ADAM19: variants seen among roughly 807,000 people sequenced by gnomAD.
ADAM19 encodes the protein ADAM metallopeptidase domain 19, also known as disintegrin and metalloproteinase domain-containing protein 19.
Under a neutral mutation model 114.7 loss-of-function variants are expected in ADAM19, and 65 were observed. That is an observed-to-expected ratio of 0.57 (90% CI 0.46 to 0.70). ADAM19 has a LOEUF of 0.70. Among genes scored for constraint, ADAM19 ranks in the 30% least tolerant of loss-of-function variants. The probability of loss-of-function intolerance (pLI) is 0.00; values close to 1 mark genes in which losing one functional copy is unlikely to be tolerated. For synonymous variants in ADAM19, 466 were observed against 460.5 expected (o/e 1.01, Z -0.15); for missense variants, 1,063 against 1,204.7 (o/e 0.88, Z 1.74).
chr5:157,509,595 T>G (rs910206875), intron 8 of ADAM19, 128 bp from the exon 9 acceptor site: 14 of 809,666 alleles, frequency 1.7e-5, no homozygotes, highest in Non-Finnish European at 2.1e-5. Context: ...AAAATAAATT[T>G]AAAAAAAAAG....
chr5:157,550,503 G>A (rs1286304958), intron 3 of ADAM19, among the ~76,000 whole-genome samples: 1 of 152,098 alleles, frequency 6.6e-6, no homozygotes, highest in Non-Finnish European at 1.5e-5. Context: ...TATGAGTTTG[G>A]GGGGACACCA....
chr5:157,533,214 G>A (rs1042737652), intron 4 of ADAM19, among the ~76,000 whole-genome samples: 10 of 152,220 alleles, frequency 6.6e-5, no homozygotes, highest in South Asian at 4.1e-4. Flanking sequence ...ATCGGCCAGC[G>A]ATGTGGCTCC....
chr5:157,497,453 G>C (rs1265712666), intron 13 of ADAM19, among the ~76,000 whole-genome samples: 1 of 152,110 alleles, frequency 6.6e-6, no homozygotes, highest in Non-Finnish European at 1.5e-5. Flanking sequence ...TAGTTTTCAT[G>C]ACAGTCCTGT....
intron 18 of ADAM19, 131 bp from the exon 19 acceptor site, chr5:157,490,585 AAATTAT>A: frequency 8.5e-7 from 1 of 1,182,158 alleles, no homozygotes; most frequent in Non-Finnish European, 1.2e-6. Context: ...TTTAACTTAC[AAATTAT>A]AATTAAAAAC....
chr5:157,496,974 G>C lies in ADAM19; in HGVS notation c.1514C>G (p.Pro505Arg), dbSNP rs774391030. 6.3e-7 allele frequency: 1 copy of C among 1,598,530 alleles called. No homozygotes were observed. The highest frequency in any genetic ancestry group is 8.5e-7 in the Non-Finnish European group (1 of 1,173,454). The change falls in exon 14 of 23, where the codon CCC (proline) becomes CGC (arginine). Residue 505 changes from proline to arginine, a missense_variant. Physicochemically the swap from Pro to Arg is moderately radical, Grantham distance 103. Coordinates refer to ENST00000257527, the MANE Select transcript of ADAM19 (RefSeq NM_033274.5). ...PTNFYQMDGTPCEGGQAYCYN... is the reference protein window; with the variant it reads ...PTNFYQMDGTRCEGGQAYCYN... ...GCAGTAGGCCTGGCCGCCCTCACAG[G>C]GGGTACCATCCATCTGGTAGAAGTT...
chr5:157,502,699 A>C, intron 12 of ADAM19, 104 bp downstream of exon 12: 1 of 1,310,398 alleles, frequency 7.6e-7, no homozygotes, highest in Non-Finnish European at 1.1e-6. Flanking sequence ...TATATGTAGG[A>C]AACACCTGTG....
intron 9 of ADAM19, among the ~76,000 whole-genome samples, chr5:157,507,592 C>G (rs1314312516): frequency 6.6e-6 from 1 of 152,184 alleles, no homozygotes; most frequent in East Asian, 1.9e-4. Flanking sequence ...GTGAGTCCCA[C>G]AGGGTAGGGG....
chr5:157,508,375 G>A (rs1755811717), intron 9 of ADAM19, among the ~76,000 whole-genome samples: 1 of 152,198 alleles, frequency 6.6e-6, no homozygotes, highest in African/African-American at 2.4e-5. Flanking sequence ...TTGGGAGGCC[G>A]AGGCGGGCGG....
rs767512014 is a variant in ADAM19, at chr5:157,488,403, A to C, written c.2412T>G (p.Pro804=). Residue 804 remains proline (P), a synonymous_variant, in exon 21 of 23, where the codon CCT becomes CCG. Transcript: ENST00000257527. The part of the protein sequence containing the change: ...PPDYLRGGSP[P]APLPAHLSRA... Reference sequence around the variant, plus strand: ...TGCTCAGGTGAGCTGGCAGTGGTGCAGGTGGGGACCCACCACGCAGATAAT... The same window carrying C: ...TGCTCAGGTGAGCTGGCAGTGGTGCCGGTGGGGACCCACCACGCAGATAAT... 23 of 1,613,910 alleles carry C rather than the reference A, an allele frequency of 1.4e-5. No homozygotes were observed. Among genetic ancestry groups the C allele is most frequent in the Non-Finnish European group, 1.8e-5 (21 of 1,179,964 alleles).
Position 157,520,019 on chromosome 5 carries a change from C to G in ADAM19, c.420G>C (p.Thr140=). ...STCRGIRGLI[T]VSSNLSYVIE... ...TGACGTAGCTGAGGTTGCTGCTCAC[C>G]GTAATCAGTCCTCTGTTGAGAGGAG... Residue 140 remains threonine, a synonymous_variant, in exon 6 of 23, where the codon ACG becomes ACC. Transcript: ENST00000257527. 6.2e-7 allele frequency: 1 copy of G among 1,613,676 alleles called. No homozygotes were observed. The highest frequency in any genetic ancestry group is 8.5e-7 in the Non-Finnish European group (1 of 1,179,740).
chr5:157,479,084 G>C lies in ADAM19; in HGVS notation c.*1865C>G. 1 of 985,868 alleles carries C rather than the reference G, an allele frequency of 1.0e-6. No homozygotes were observed. The highest frequency in any genetic ancestry group is 1.2e-6 in the Non-Finnish European group (1 of 829,958). The allele number at this position is 985,868 out of a possible 1,614,324, so 61.1% of individuals were successfully genotyped here. ...ATTTAAATAAAAGGTTGGGCCACAGGAAAGGTGGGGAATGGATCTCCACAG... is the reference window on the plus strand; with the variant it reads ...ATTTAAATAAAAGGTTGGGCCACAGCAAAGGTGGGGAATGGATCTCCACAG... On this transcript the variant is annotated 3_prime_UTR_variant, in exon 23 of 23. Coordinates refer to ENST00000257527, the MANE Select transcript of ADAM19 (RefSeq NM_033274.5).
chr5:157,484,745 C>T (rs1754877629), intron 21 of ADAM19, among the ~76,000 whole-genome samples: 1 of 152,234 alleles, frequency 6.6e-6, no homozygotes, highest in Non-Finnish European at 1.5e-5. Context: ...AGAATAGCTG[C>T]CAAGTTGCAA....
intron 5 of ADAM19, 58 bp downstream of exon 5, chr5:157,530,749 G>A: frequency 6.8e-7 from 1 of 1,476,052 alleles, no homozygotes; most frequent in African/African-American, 1.4e-5. Context: ...TGTCTATCTT[G>A]AAACTTCCAT....
At chr5:157,564,186 C>A (rs1335056380) in intron 3 of ADAM19, among the ~76,000 whole-genome samples, 187 bp downstream of exon 3, 2 of 152,230 alleles carry the variant, frequency 1.3e-5, no homozygotes, top group Non-Finnish European at 2.9e-5. Context: ...AGCAGTCCAG[C>A]AATCTCACAT....
intron 3 of ADAM19, among the ~76,000 whole-genome samples, chr5:157,556,312 G>C (rs756613396): frequency 2.1e-5 from 3 of 144,110 alleles, no homozygotes; most frequent in Non-Finnish European, 3.0e-5. Context: ...TCTGCCTCCC[G>C]GGTTCAAGCA....
intron 1 of ADAM19, among the ~76,000 whole-genome samples, chr5:157,571,401 A>G (rs1757823721): frequency 1.3e-5 from 2 of 152,268 alleles, no homozygotes; most frequent in African/African-American, 4.8e-5. Context: ...AGCAAGTGCA[A>G]TGGCCCTGCC....
rs749000395 is a variant in ADAM19 at position 157,493,121 on chromosome 5, G to C, written c.1760C>G (p.Ser587Cys). 1 of 1,614,228 alleles carries C rather than the reference G, an allele frequency of 6.2e-7. No homozygotes were observed. Among genetic ancestry groups the C allele is most frequent in the Admixed American group, 1.7e-5 (1 of 60,022 alleles). Residue 587 changes from serine to cysteine, a missense_variant, in exon 16 of 23, where the codon TCC (serine) becomes TGC (cysteine). Physicochemically the swap from Ser to Cys is moderately radical, Grantham distance 112 (BLOSUM62 -1). Around this residue, in one of 3 missense-constraint regions of ADAM19, gnomAD observed 424 missense variants for 445.5 expected, o/e 0.95. Transcript: ENST00000257527. ...CQSSEARPLE[S>C]NAVPIDTTII... ...AGTGGTGTCAATGGGCACCGCGTTGGACTCCAGGGGCCGGGCCTCAGAGCT... is the reference window on the plus strand; with the variant it reads ...AGTGGTGTCAATGGGCACCGCGTTGCACTCCAGGGGCCGGGCCTCAGAGCT...
intron 3 of ADAM19, among the ~76,000 whole-genome samples, chr5:157,563,829 G>C (rs1757579438): frequency 6.6e-6 from 1 of 152,174 alleles, no homozygotes; most frequent in Non-Finnish European, 1.5e-5. Context: ...TACCACCCAA[G>C]ATGAATGAGG....
At chr5:157,481,734 G>GC (rs1459145033) in intron 22 of ADAM19, 57 bp downstream of exon 22, 3 of 1,552,300 alleles carry the variant, frequency 1.9e-6, no homozygotes, top group Admixed American at 2.0e-5. Context: ...CTCTACACCT[G>GC]CCCCCCTGGA....
Sources: gnomAD v4.1 joint callset for allele counts (sites outside exome capture counted in the v4.1 genomes callset) on GRCh38, gnomAD v4.1.1 for gene constraint, gnomAD v4.1.1 regional missense constraint, MANE v1.5 for transcripts, NCBI Gene and HGNC (gene_info 2026-07-23, HGNC 2026-07-21) for gene names.